Variants in PPP2R2C observed in about 807,000 individuals in gnomAD.
PPP2R2C encodes protein phosphatase 2, regulatory subunit B, gamma.
A neutral mutation model predicts 45.3 loss-of-function variants in PPP2R2C; 10 were observed. The observed-to-expected ratio is 0.22, with a 90% CI of 0.14 to 0.37. The LOEUF (loss-of-function observed/expected upper bound fraction) is 0.37, where lower values mean the gene tolerates loss of function less well. Ranked by LOEUF, PPP2R2C falls within the 10% of genes least tolerant of loss-of-function variation. The probability of loss-of-function intolerance (pLI) is 1.00; values close to 1 mark genes in which losing one functional copy is unlikely to be tolerated. For synonymous variants in PPP2R2C, 257 were observed against 245.4 expected (o/e 1.05, Z -0.44); for missense variants, 308 against 619.7 (o/e 0.50, Z 5.34).
chr4:6,469,633 C>G (rs1721760849), intron 1 of PPP2R2C, among the ~76,000 whole-genome samples: 1 of 152,158 alleles, frequency 6.6e-6, no homozygotes, highest in Non-Finnish European at 1.5e-5. Context: ...TCTCCCTTTA[C>G]AAAGGGAAAG....
chr4:6,376,922 C>T (rs1364975461), intron 3 of PPP2R2C, among the ~76,000 whole-genome samples: 2 of 152,174 alleles, frequency 1.3e-5, no homozygotes, highest in African/African-American at 4.8e-5. Context: ...CTTTGAGGTG[C>T]ATGGCGGGAG....
intron 5 of PPP2R2C, among the ~76,000 whole-genome samples, chr4:6,357,639 A>C (rs1713329221): frequency 6.6e-6 from 1 of 152,132 alleles, no homozygotes; most frequent in African/African-American, 2.4e-5. Context: ...CCCAGGTTCA[A>C]TGTCAGATGG....
chr4:6,476,881 C>T (rs1439303281), upstream of PPP2R2C, among the ~76,000 whole-genome samples: 2 of 152,180 alleles, frequency 1.3e-5, no homozygotes, highest in African/African-American at 4.8e-5. Context: ...GCTGACCCCA[C>T]TGTTGTTGGG....
At chr4:6,529,821 G>A (rs1383301373) in intron 2 of PPP2R2C, among the ~76,000 whole-genome samples, 2 of 152,208 alleles carry the variant, frequency 1.3e-5, no homozygotes, top group African/African-American at 4.8e-5. Flanking sequence ...AACAGTGGGT[G>A]AGGACCACTC....
At chr4:6,381,550 G>C in intron 1 of PPP2R2C, 2 of 1,409,282 alleles carry the variant, frequency 1.4e-6, no homozygotes, top group East Asian at 2.7e-5. Context: ...CCTCTGCTAG[G>C]GGCCCACTCA....
intron 2 of PPP2R2C, among the ~76,000 whole-genome samples, chr4:6,516,496 C>G (rs1400278658): frequency 2.6e-5 from 4 of 152,204 alleles, no homozygotes; most frequent in African/African-American, 9.6e-5. Flanking sequence ...TGATAGGATG[C>G]CCAGCTCCTG....
chr4:6,478,307 C>T (rs73207867), intron 2 of PPP2R2C, among the ~76,000 whole-genome samples: 37,341 of 152,126 alleles, frequency 0.25, 5,814 homozygotes, highest in Non-Finnish European at 0.33. Flanking sequence ...GGGGTAGATT[C>T]GCACTTTCCC....
At chr4:6,501,186 C>T (rs530445467) in intron 2 of PPP2R2C, among the ~76,000 whole-genome samples, 4 of 152,274 alleles carry the variant, frequency 2.6e-5, no homozygotes, top group South Asian at 2.1e-4. Context: ...TGCTGTTTTC[C>T]GATTGCTGCA....
intron 2 of PPP2R2C, among the ~76,000 whole-genome samples, chr4:6,516,164 C>G (rs1723822002): frequency 6.6e-6 from 1 of 152,226 alleles, no homozygotes; most frequent in Admixed American, 6.5e-5. Flanking sequence ...TGATGCAATT[C>G]AACTCCTATC....
chr4:6,354,591 G>C (rs1712967892), intron 5 of PPP2R2C, among the ~76,000 whole-genome samples: 1 of 152,102 alleles, frequency 6.6e-6, no homozygotes, highest in Non-Finnish European at 1.5e-5. Flanking sequence ...AGACGACTCT[G>C]AACCTTTCCC....
chr4:6,321,191 A>G lies in PPP2R2C; in HGVS notation c.*2111T>C, dbSNP rs1214322311. 6.6e-6 allele frequency: 1 copy of G among 152,296 alleles called. No individual in the cohort carries two copies. The highest frequency in any genetic ancestry group is 2.4e-5 in the African/African-American group (1 of 41,460). 9.4% of individuals were successfully genotyped at this position (152,296 alleles called of 1,614,324 possible). A position where few individuals can be genotyped will look rare whatever the true frequency, so the allele number is the denominator to read the frequency against. On this transcript the variant is annotated 3_prime_UTR_variant, in exon 9 of 9. Coordinates refer to ENST00000382599, the MANE Select transcript of PPP2R2C (RefSeq NM_020416.4). ...TTTGAAGATGGTAAATGTTAAATCT[A>G]TGATGTGACAGTAACCTCTAGCTGC...
At chr4:6,397,973 G>T (rs1324502877) in intron 1 of PPP2R2C, among the ~76,000 whole-genome samples, 4 of 152,212 alleles carry the variant, frequency 2.6e-5, no homozygotes, top group Non-Finnish European at 5.9e-5. Flanking sequence ...ACTAAACAGA[G>T]AATCCAGAAC....
At chr4:6,425,188 C>G (rs1278448338) in intron 1 of PPP2R2C, among the ~76,000 whole-genome samples, 1 of 152,226 alleles carries the variant, frequency 6.6e-6, no homozygotes, top group African/African-American at 2.4e-5. Context: ...ACAGCCAGCA[C>G]AGCTCCCTGT....
At chr4:6,350,462 C>T (rs1047891561) in intron 5 of PPP2R2C, 7 of 985,458 alleles carry the variant, frequency 7.1e-6, no homozygotes, top group Non-Finnish European at 8.4e-6. Flanking sequence ...CACCCTGAGA[C>T]ACACAAAAGC....
rs1015518566 is a variant in PPP2R2C at position 6,321,158 on chromosome 4, A to C, written c.*2144T>G. ...GACCTCCTTTTGAAGGACATGTAAG[A>C]TTTGTACTTTGAAGATGGTAAATGT... On this transcript the variant is annotated 3_prime_UTR_variant, in exon 9 of 9. Coordinates refer to ENST00000382599, the MANE Select transcript of PPP2R2C (RefSeq NM_020416.4). 3.3e-5 allele frequency: 5 copies of C among 152,254 alleles called. No individual in the cohort carries two copies. Among genetic ancestry groups the C allele is most frequent in the African/African-American group, 1.2e-4 (5 of 41,460 alleles). The allele number at this position is 152,254 out of a possible 1,614,324, so 9.4% of individuals were successfully genotyped here.
intron 2 of PPP2R2C, among the ~76,000 whole-genome samples, chr4:6,491,874 C>A (rs1401707081): frequency 2.0e-5 from 3 of 152,154 alleles, no homozygotes; most frequent in Non-Finnish European, 4.4e-5. Flanking sequence ...GTACAGCCTG[C>A]AGAATTGTGA....
chr4:6,512,554 ATG>A (rs1723681943), intron 2 of PPP2R2C, among the ~76,000 whole-genome samples: 1 of 33,984 alleles, frequency 2.9e-5, no homozygotes, highest in African/African-American at 1.2e-4. Flanking sequence ...GATGGTGGTG[ATG>A]GTGGTGGTGG....
chr4:6,414,173 T>G, intron 1 of PPP2R2C: 1 of 960,224 alleles, frequency 1.0e-6, no homozygotes, highest in Non-Finnish European at 1.4e-6. Context: ...GTATGCCTTT[T>G]TCCTCCTCCT....
intron 1 of PPP2R2C, among the ~76,000 whole-genome samples, chr4:6,549,948 G>A (rs1725127598): frequency 1.3e-5 from 2 of 152,158 alleles, no homozygotes; most frequent in African/African-American, 4.8e-5. Flanking sequence ...TTTCTTTAAA[G>A]TGACATAACC....
Sources: gnomAD v4.1 joint callset for allele counts (sites outside exome capture counted in the v4.1 genomes callset) on GRCh38, gnomAD v4.1.1 for gene constraint, MANE v1.5 for transcripts, NCBI Gene and HGNC (gene_info 2026-07-23, HGNC 2026-07-21) for gene names.